Variants in CREB1 observed in about 807,000 individuals in gnomAD.
The protein encoded by CREB1 is cyclic AMP-responsive element-binding protein 1.
CREB1 carries 2 observed loss-of-function variants against 42.0 expected under a neutral mutation model. That is an observed-to-expected ratio of 0.05 (90% CI 0.02 to 0.15). The LOEUF (loss-of-function observed/expected upper bound fraction) is 0.15, where lower values mean the gene tolerates loss of function less well. Ranked by LOEUF, CREB1 falls within the 10% of genes least tolerant of loss-of-function variation. The pLI is 1.00. For missense variants in CREB1, 199 were observed against 388.9 expected (o/e 0.51, Z 4.11); for synonymous variants, 123 against 139.9 (o/e 0.88, Z 0.85).
chr2:207,546,684 G>T (rs898132290), intron 1 of CREB1, among the ~76,000 whole-genome samples: 2 of 151,896 alleles, frequency 1.3e-5, no homozygotes. Context: ...CTGAGATCAT[G>T]CCACTCACTG....
chr2:207,567,507 T>G lies in CREB1; in HGVS notation c.306T>G (p.Asp102Glu). The part of the protein sequence containing the change: ...AESEDSQESV[D>E]SVTDSQKRRE... ...GTGAAGATTCACAGGAGTCAGTGGA[T>G]AGTGTAACTGATTCCCAAAAGCGAA... Residue 102 changes from aspartate (D) to glutamate (E), a missense_variant, in exon 4 of 8, where the codon GAT (aspartate) becomes GAG (glutamate). Physicochemically the swap from Asp to Glu is conservative, Grantham distance 45. This residue lies in a region of CREB1 where 66 missense variants were observed against 150.8 expected (regional missense o/e 0.44). Transcript: ENST00000353267. 6.2e-7 allele frequency: 1 copy of G among 1,612,424 alleles called. No homozygotes were observed. The highest frequency in any genetic ancestry group is 8.5e-7 in the Non-Finnish European group (1 of 1,178,890).
At chr2:207,553,358 C>T (rs1250972602) in intron 1 of CREB1, among the ~76,000 whole-genome samples, 7 of 152,148 alleles carry the variant, frequency 4.6e-5, no homozygotes, top group Non-Finnish European at 7.3e-5. Context: ...CGTGAGCCAT[C>T]GCGCCGGGCC....
At chr2:207,586,107 T>C (rs996499365) in intron 7 of CREB1, among the ~76,000 whole-genome samples, 7 of 152,172 alleles carry the variant, frequency 4.6e-5, no homozygotes, top group Non-Finnish European at 7.4e-5. Context: ...AAAATTCTTA[T>C]GGAACCAAAA....
chr2:207,554,616 A>G lies in CREB1; in HGVS notation c.-8-1012A>G, dbSNP rs1324919909. Among the ~76,000 whole-genome samples the G allele has an allele frequency of 4.1e-4, 62 of 152,196 alleles. 1 individual carries two copies. Among genetic ancestry groups the G allele is most frequent in the Non-Finnish European group, 1.5e-5 (1 of 68,030 alleles). On this transcript the variant is annotated intron_variant, in intron 1 of 7. Transcript: ENST00000353267. ...TTGATTTACAGTAGCTACTGCTGGT[A>G]GGAATTGCTCTCCACTCCACTTTTG...
chr2:207,591,188 A>G (rs2084964249), intron 7 of CREB1, among the ~76,000 whole-genome samples: 2 of 152,124 alleles, frequency 1.3e-5, no homozygotes, highest in Admixed American at 1.3e-4. Flanking sequence ...CTGAGACTCT[A>G]CTTAGTCTAT....
At chr2:207,552,944 C>A (rs935814506) in intron 1 of CREB1, among the ~76,000 whole-genome samples, 1 of 151,412 alleles carries the variant, frequency 6.6e-6, no homozygotes, top group African/African-American at 2.4e-5. Context: ...TACTTTGACT[C>A]ATTACTGTCA....
chr2:207,584,125 A>G (rs2083400385), intron 7 of CREB1, among the ~76,000 whole-genome samples: 1 of 152,258 alleles, frequency 6.6e-6, no homozygotes, highest in Non-Finnish European at 1.5e-5. Flanking sequence ...CTATCAACAC[A>G]TAAAGGTTTT....
chr2:207,591,822 T>C (rs1427654296), intron 7 of CREB1, among the ~76,000 whole-genome samples: 1 of 152,230 alleles, frequency 6.6e-6, no homozygotes, highest in Non-Finnish European at 1.5e-5. Flanking sequence ...GTAGATGGCA[T>C]ATACTTAGGT....
intron 1 of CREB1, among the ~76,000 whole-genome samples, chr2:207,536,816 C>A (rs368129696): frequency 6.6e-6 from 1 of 151,850 alleles, no homozygotes; most frequent in East Asian, 2.0e-4. Flanking sequence ...ATGGTGAAAC[C>A]CCATCTCTAC....
chr2:207,595,419 AT>A (rs548081856), intron 7 of CREB1, among the ~76,000 whole-genome samples: 3,199 of 149,462 alleles, frequency 0.021, 42 homozygotes, highest in South Asian at 0.053. Flanking sequence ...TATATTCTAG[AT>A]TTTTTTTTTC....
At chr2:207,596,854 A>T (rs1575042639) in intron 7 of CREB1, 60 bp from the exon 8 acceptor site, 1 of 1,569,922 alleles carries the variant, frequency 6.4e-7, no homozygotes, top group East Asian at 2.3e-5. Context: ...AAAAAAGGTA[A>T]TCCAAAATAA....
intron 1 of CREB1, among the ~76,000 whole-genome samples, chr2:207,530,576 C>G (rs968306181): frequency 4.2e-4 from 62 of 146,818 alleles, no homozygotes; most frequent in African/African-American, 1.4e-3. Context: ...GCGCCGCTCG[C>G]TCGTCCGGCC....
intron 1 of CREB1, among the ~76,000 whole-genome samples, chr2:207,555,326 A>G (rs1388366399): frequency 4.6e-5 from 7 of 152,192 alleles, no homozygotes; most frequent in Admixed American, 4.6e-4. Context: ...CCTTGTTAGT[A>G]GGGGAGATTT....
intron 3 of CREB1, among the ~76,000 whole-genome samples, chr2:207,564,189 T>C (rs936466954): frequency 2.0e-5 from 3 of 152,154 alleles, no homozygotes; most frequent in African/African-American, 7.2e-5. Flanking sequence ...TGGAAGATCA[T>C]TGATCTAGAC....
rs1001862503 is a variant in CREB1 at position 207,604,639 on chromosome 2, A to G, written c.*7581A>G. 6.6e-6 allele frequency among the ~76,000 whole-genome samples: 1 copy of G among 152,180 alleles called. No homozygotes were observed. Among genetic ancestry groups the G allele is most frequent in the African/African-American group, 2.4e-5 (1 of 41,426 alleles). On this transcript the variant is annotated 3_prime_UTR_variant, in exon 8 of 8. Coordinates refer to ENST00000353267, the MANE Select transcript of CREB1 (RefSeq NM_004379.5). ...CATAAATTAACTTTTTAAGTGAACA[A>G]TTAAGTGGTAGTACATCCACAATGG...
At chr2:207,588,960 A>C (rs1041685493) in intron 7 of CREB1, among the ~76,000 whole-genome samples, 1 of 151,938 alleles carries the variant, frequency 6.6e-6, no homozygotes, top group African/African-American at 2.4e-5. Flanking sequence ...GACAGTTTTA[A>C]TTATTTCTAA....
intron 4 of CREB1, 134 bp from the exon 5 acceptor site, chr2:207,570,040 CAAAAA>C (rs757439012): frequency 7.8e-4 from 139 of 177,594 alleles, no homozygotes; most frequent in Middle Eastern, 2.0e-3. Context: ...GACTCCATCT[CAAAAA>C]AAAAAAAAAA....
chr2:207,576,261 GT>G (rs1037917631), intron 6 of CREB1, among the ~76,000 whole-genome samples: 12 of 66,320 alleles, frequency 1.8e-4, no homozygotes, highest in Admixed American at 1.5e-3. Flanking sequence ...TTTTTTTTTA[GT>G]TTTTTTTTTC....
intron 1 of CREB1, among the ~76,000 whole-genome samples, chr2:207,530,452 C>T (rs1321895119): frequency 7.0e-6 from 1 of 143,086 alleles, no homozygotes; most frequent in Non-Finnish European, 1.5e-5. Context: ...TGCGGGCGGC[C>T]GGCCGCGGCG....
Sources: gnomAD v4.1 joint callset for allele counts (sites outside exome capture counted in the v4.1 genomes callset) on GRCh38, gnomAD v4.1.1 for gene constraint, gnomAD v4.1.1 regional missense constraint, MANE v1.5 for transcripts, NCBI Gene and HGNC (gene_info 2026-07-23, HGNC 2026-07-21) for gene names.